KAZN: variants seen among roughly 807,000 people sequenced by gnomAD.
The protein encoded by KAZN is kazrin.
Under a neutral mutation model 87.4 loss-of-function variants are expected in KAZN, and 40 were observed. That is an observed-to-expected ratio of 0.46 (90% CI 0.36 to 0.60). The LOEUF is 0.60. KAZN is among the 20% of genes least tolerant of loss of function. KAZN has a pLI of 0.00. For missense variants in KAZN, 898 were observed against 1,073.9 expected (o/e 0.84, Z 2.29); for synonymous variants, 466 against 458.3 (o/e 1.02, Z -0.22).
intron 1 of KAZN, among the ~76,000 whole-genome samples, chr1:14,689,193 TCAAAACAAAACAAAACAAAACAAAA>T (rs3081470): frequency 1.4e-5 from 2 of 147,878 alleles, no homozygotes; most frequent in African/African-American, 5.0e-5. Flanking sequence ...AGACTCTGTC[TCAAAACAAAACAAAACAAAACAAAA>T]CAAAACAAAA....
At chr1:14,182,128 C>T (rs1646211384) in intron 2 of KAZN, among the ~76,000 whole-genome samples, 1 of 151,886 alleles carries the variant, frequency 6.6e-6, no homozygotes. Context: ...TAAAATATCC[C>T]CTATCGTGTA....
intron 1 of KAZN, among the ~76,000 whole-genome samples, chr1:14,797,116 A>G (rs1645852476): frequency 6.6e-6 from 1 of 152,134 alleles, no homozygotes; most frequent in South Asian, 2.1e-4. Context: ...GTTGGAGTGC[A>G]GTGGCATGAT....
chr1:14,986,039 A>G lies in KAZN; in HGVS notation c.418+25164A>G, dbSNP rs569641231. Among the ~76,000 whole-genome samples the G allele has an allele frequency of 4.5e-3, 671 of 149,184 alleles. 5 individuals carry two copies. Among genetic ancestry groups the G allele is most frequent in the African/African-American group, 0.016 (636 of 40,444 alleles). The stretch of plus-strand genomic sequence containing the variant: ...AAAAAAAAAAAGGAAAGAAAGACCC[A>G]CAGAAGGCAAAGAGAACCTTCTAGA... On this transcript the variant is annotated intron_variant, in intron 2 of 14. Transcript: ENST00000376030.
intron 2 of KAZN, among the ~76,000 whole-genome samples, chr1:14,367,603 G>A (rs188269586): frequency 6.9e-4 from 105 of 152,232 alleles, no homozygotes; most frequent in Non-Finnish European, 9.9e-4. Context: ...CACCCTTGTC[G>A]TTTCTCTGGC....
chr1:14,727,481 T>C (rs1263913209), intron 1 of KAZN, among the ~76,000 whole-genome samples: 5 of 119,126 alleles, frequency 4.2e-5, no homozygotes, highest in African/African-American at 9.9e-5. Context: ...TTTTTTTTTT[T>C]TTTTTTTTTT....
chr1:14,197,718 A>T (rs1392678686), intron 2 of KAZN, among the ~76,000 whole-genome samples: 2 of 152,150 alleles, frequency 1.3e-5, no homozygotes, highest in Non-Finnish European at 1.5e-5. Flanking sequence ...CAAAAAAGAA[A>T]AACCACCACT....
chr1:14,946,958 C>T (rs1013097730), intron 1 of KAZN, among the ~76,000 whole-genome samples: 17 of 152,190 alleles, frequency 1.1e-4, no homozygotes, highest in African/African-American at 3.9e-4. Flanking sequence ...TTAGCTCTCC[C>T]GCCCGGAGCT....
At chr1:14,893,034 G>A (rs1654884400) in intron 1 of KAZN, among the ~76,000 whole-genome samples, 1 of 152,200 alleles carries the variant, frequency 6.6e-6, no homozygotes, top group African/African-American at 2.4e-5. Flanking sequence ...ACTGTCATAA[G>A]GCTGATGATC....
chr1:15,005,660 C>T (rs374813096), intron 2 of KAZN, among the ~76,000 whole-genome samples: 5 of 152,156 alleles, frequency 3.3e-5, no homozygotes, highest in African/African-American at 7.2e-5. Flanking sequence ...TAGTGGCACA[C>T]GCTTATAATC....
intron 1 of KAZN, among the ~76,000 whole-genome samples, chr1:13,901,653 C>T (rs1272484572): frequency 6.6e-6 from 1 of 152,260 alleles, no homozygotes; most frequent in Non-Finnish European, 1.5e-5. Flanking sequence ...CTGGCTTAAG[C>T]GTTCAGTTCT....
chr1:14,639,920 T>C (rs1190459741), intron 1 of KAZN, among the ~76,000 whole-genome samples: 1 of 152,148 alleles, frequency 6.6e-6, no homozygotes, highest in African/African-American at 2.4e-5. Context: ...CACTTTCCCG[T>C]ACCTAAGAGG....
At chr1:15,030,745 C>T (rs529851588) in intron 2 of KAZN, among the ~76,000 whole-genome samples, 129 of 152,360 alleles carry the variant, frequency 8.5e-4, no homozygotes, top group Non-Finnish European at 1.6e-3. Context: ...TCCATGGACT[C>T]TACCATCCCA....
intron 1 of KAZN, among the ~76,000 whole-genome samples, chr1:14,803,502 C>T (rs771109665): frequency 1.8e-4 from 27 of 152,214 alleles, no homozygotes; most frequent in Non-Finnish European, 2.5e-4. Context: ...TCTAGCTGGG[C>T]GGGAGAGGGC....
intron 1 of KAZN, among the ~76,000 whole-genome samples, chr1:14,823,122 C>G (rs1228323453): frequency 6.6e-6 from 1 of 152,202 alleles, no homozygotes; most frequent in East Asian, 1.9e-4. Context: ...TGTAGAGCAG[C>G]CTTCTGGGCA....
intron 2 of KAZN, chr1:14,180,742 G>C (rs991882898): frequency 3.2e-6 from 2 of 617,182 alleles, no homozygotes; most frequent in Admixed American, 3.4e-5. Flanking sequence ...TTGGATTTCT[G>C]ATTAGATCTT....
chr1:14,937,914 A>C (rs6679057), intron 1 of KAZN, among the ~76,000 whole-genome samples: 2 of 152,092 alleles, frequency 1.3e-5, no homozygotes, highest in East Asian at 3.9e-4. Context: ...GCAGGCATGC[A>C]TGGCCCAGGA....
chr1:14,858,338 G>A (rs759215028), intron 1 of KAZN, among the ~76,000 whole-genome samples: 11 of 150,738 alleles, frequency 7.3e-5, no homozygotes, highest in East Asian at 5.9e-4. Context: ...TCAGCCTCCC[G>A]AGTAGCTGGA....
chr1:14,270,480 A>G (rs1205506706), intron 2 of KAZN, among the ~76,000 whole-genome samples: 1 of 152,224 alleles, frequency 6.6e-6, no homozygotes, highest in South Asian at 2.1e-4. Flanking sequence ...TGCATTAAGT[A>G]TGAATGATAA....
chr1:15,020,558 G>A (rs529888950), intron 2 of KAZN, among the ~76,000 whole-genome samples: 4 of 152,160 alleles, frequency 2.6e-5, no homozygotes, highest in Admixed American at 6.5e-5. Context: ...CTCCAGAAGC[G>A]CGACACTCGG....
Sources: allele counts gnomAD v4.1 joint callset (sites outside exome capture counted in the v4.1 genomes callset), GRCh38; gene constraint gnomAD v4.1.1; transcripts MANE v1.5; gene names NCBI Gene and HGNC (gene_info 2026-07-23, HGNC 2026-07-21).